MYO16: variants seen among roughly 807,000 people sequenced by gnomAD.
The protein encoded by MYO16 is myosin XVI, also known as unconventional myosin-XVI.
Under a neutral mutation model 205.3 loss-of-function variants are expected in MYO16, and 94 were observed. That is an observed-to-expected ratio of 0.46 (90% CI 0.39 to 0.54). The LOEUF (loss-of-function observed/expected upper bound fraction) is 0.54. Among genes scored for constraint, MYO16 ranks in the 20% least tolerant of loss-of-function variants. The pLI is 0.00. For synonymous variants in MYO16, 988 were observed against 954.0 expected (o/e 1.04, Z -0.66); for missense variants, 2,315 against 2,387.5 (o/e 0.97, Z 0.63).
At chr13:109,089,187 G>C (rs965773166) in intron 27 of MYO16, among the ~76,000 whole-genome samples, 3 of 113,550 alleles carry the variant, frequency 2.6e-5, no homozygotes, top group Admixed American at 9.1e-5. Context: ...TTTGTTTTCT[G>C]CATTATTATT....
chr13:109,001,272 C>T (rs1406156674), intron 21 of MYO16, among the ~76,000 whole-genome samples: 1 of 151,638 alleles, frequency 6.6e-6, no homozygotes, highest in Non-Finnish European at 1.5e-5. Flanking sequence ...GCAGCCTGGG[C>T]CAGGTGGTAG....
At chr13:109,126,337 C>A (rs1362821956) in intron 30 of MYO16, among the ~76,000 whole-genome samples, 2 of 152,156 alleles carry the variant, frequency 1.3e-5, no homozygotes, top group African/African-American at 2.4e-5. Context: ...TCTACATGGG[C>A]GGCTGGCTCT....
At chr13:108,540,641 A>G in the MYO16 span, among the ~76,000 whole-genome samples, 1 of 152,136 alleles carries the variant, frequency 6.6e-6, no homozygotes, top group Non-Finnish European at 1.5e-5. Context: ...AACAAATAAT[A>G]TGAATAATTT....
chr13:109,162,696 CAGTG>C lies in MYO16; in HGVS notation c.5165-2201_5165-2198del, dbSNP rs1204658936. On this transcript the variant is annotated intron_variant, in intron 32 of 34. Transcript: ENST00000457511. The surrounding 1 kb of genome is among the most constrained non-coding windows in gnomAD (Gnocchi z 4.6). ...GTATTCATTATGTATCTCCCGCACT[CAGTG>C]AGTATCTGGCACATAGTAGGCACCC... Among the ~76,000 whole-genome samples, 1 of 152,116 alleles carries C rather than the reference CAGTG, an allele frequency of 6.6e-6. No individual in the cohort carries two copies. The highest frequency in any genetic ancestry group is 1.5e-5 in the Non-Finnish European group (1 of 68,036).
chr13:108,967,155 A>ATGTGTG (rs71204890), intron 20 of MYO16, among the ~76,000 whole-genome samples: 10 of 124,490 alleles, frequency 8.0e-5, no homozygotes, highest in African/African-American at 1.6e-4. Flanking sequence ...GACTATATAT[A>ATGTGTG]TGTGTGTGTG....
chr13:108,811,552 A>AG (rs1887293223), intron 7 of MYO16, among the ~76,000 whole-genome samples: 1 of 151,090 alleles, frequency 6.6e-6, no homozygotes, highest in Admixed American at 6.6e-5. Flanking sequence ...GTTTAAAAAA[A>AG]AAAAAACCAT....
chr13:109,026,466 G>A (rs773315025), intron 23 of MYO16, among the ~76,000 whole-genome samples: 2 of 152,084 alleles, frequency 1.3e-5, no homozygotes, highest in African/African-American at 4.8e-5. Flanking sequence ...GCCTGGTGTG[G>A]GTGGGCCAGA....
intron 33 of MYO16, among the ~76,000 whole-genome samples, chr13:109,172,950 A>C (rs1050680884): frequency 6.6e-6 from 1 of 152,202 alleles, no homozygotes; most frequent in African/African-American, 2.4e-5. Flanking sequence ...CCAAATACAC[A>C]ATATTACTTT....
chr13:108,560,322 G>A, the MYO16 span, among the ~76,000 whole-genome samples: 2 of 152,308 alleles, frequency 1.3e-5, no homozygotes, highest in African/African-American at 4.8e-5. Flanking sequence ...ACCAATGAAT[G>A]GGCCACCTCC....
At chr13:108,889,505 G>C (rs1880059707) in intron 14 of MYO16, among the ~76,000 whole-genome samples, 1 of 152,282 alleles carries the variant, frequency 6.6e-6, no homozygotes, top group Non-Finnish European at 1.5e-5. Flanking sequence ...ATCAGAAGAA[G>C]ACATTGAAAG....
chr13:108,519,366 T>C, the MYO16 span, among the ~76,000 whole-genome samples: 1 of 152,042 alleles, frequency 6.6e-6, no homozygotes, highest in Admixed American at 6.6e-5. Flanking sequence ...GAACTCAAAG[T>C]TCCCTTTTCT....
chr13:108,796,686 A>G (rs566596702), intron 6 of MYO16, among the ~76,000 whole-genome samples: 28 of 149,424 alleles, frequency 1.9e-4, no homozygotes, highest in Admixed American at 3.4e-4. Context: ...TAAACACCAC[A>G]TGTTCTCACT....
intron 29 of MYO16, among the ~76,000 whole-genome samples, chr13:109,124,770 G>A (rs527356796): frequency 1.5e-4 from 23 of 152,190 alleles, no homozygotes; most frequent in Admixed American, 5.2e-4. Context: ...AAGATGATCC[G>A]CACATCCCAA....
At chr13:108,535,642 C>G in the MYO16 span, among the ~76,000 whole-genome samples, 1 of 152,216 alleles carries the variant, frequency 6.6e-6, no homozygotes, top group South Asian at 2.1e-4. Context: ...ATCACTTTCC[C>G]TTGAGCCCCG....
chr13:109,029,609 A>C (rs1011679640), intron 23 of MYO16, among the ~76,000 whole-genome samples: 1 of 152,206 alleles, frequency 6.6e-6, no homozygotes, highest in Non-Finnish European at 1.5e-5. Context: ...CCCAGACATA[A>C]CAATCAAATC....
intron 21 of MYO16, among the ~76,000 whole-genome samples, chr13:108,996,572 A>G (rs1885009562): frequency 6.6e-6 from 1 of 152,208 alleles, no homozygotes; most frequent in African/African-American, 2.4e-5. Flanking sequence ...TACCTGTTTA[A>G]GGACATACCA....
At chr13:108,749,161 T>G (rs1416518768) in intron 4 of MYO16, among the ~76,000 whole-genome samples, 2 of 152,218 alleles carry the variant, frequency 1.3e-5, no homozygotes, top group Non-Finnish European at 2.9e-5. Flanking sequence ...TTATTATTTT[T>G]TGCAGTGAGA....
chr13:109,200,308 A>G (rs756629908), intron 34 of MYO16, among the ~76,000 whole-genome samples: 1 of 152,208 alleles, frequency 6.6e-6, no homozygotes, highest in East Asian at 1.9e-4. Flanking sequence ...CAATTCTTAT[A>G]TACCTAGTAG....
chr13:109,022,407 ATATAT>A (rs1886084253), intron 23 of MYO16, among the ~76,000 whole-genome samples: 1 of 122,558 alleles, frequency 8.2e-6, no homozygotes, highest in Non-Finnish European at 1.6e-5. Context: ...GTATATATGT[ATATAT>A]TGTATATACA....
Sources: gnomAD v4.1 joint callset for allele counts (sites outside exome capture counted in the v4.1 genomes callset) on GRCh38, gnomAD v4.1.1 for gene constraint, Gnocchi (gnomAD v3.1) non-coding constraint, MANE v1.5 for transcripts, NCBI Gene and HGNC (gene_info 2026-07-23, HGNC 2026-07-21) for gene names.